The following PDE4B variants were observed in gnomAD, a reference collection of about 807,000 sequenced individuals.
PDE4B encodes phosphodiesterase 4B.
A neutral mutation model predicts 82.2 loss-of-function variants in PDE4B; 20 were observed. The observed-to-expected ratio is 0.24, with a 90% CI of 0.17 to 0.35. The LOEUF (loss-of-function observed/expected upper bound fraction) is 0.35. Ranked by LOEUF, PDE4B falls within the 10% of genes least tolerant of loss-of-function variation. PDE4B has a pLI of 1.00. For synonymous variants in PDE4B, 320 were observed against 318.9 expected (o/e 1.00, Z -0.04); for missense variants, 655 against 907.2 (o/e 0.72, Z 3.57).
intron 3 of PDE4B, among the ~76,000 whole-genome samples, chr1:66,179,879 T>A (rs1299681320): frequency 6.6e-6 from 1 of 152,170 alleles, no homozygotes; most frequent in East Asian, 1.9e-4. Context: ...ATCCAATGCT[T>A]GTTTCTTCAA....
chr1:65,874,478 G>A (rs1359522497), intron 1 of PDE4B, among the ~76,000 whole-genome samples: 1 of 152,122 alleles, frequency 6.6e-6, no homozygotes, highest in Admixed American at 6.6e-5. Context: ...GTGAGAGAGG[G>A]CATCCCTGTC....
At chr1:65,995,221 T>G (rs1402481610) in intron 3 of PDE4B, among the ~76,000 whole-genome samples, 1 of 152,176 alleles carries the variant, frequency 6.6e-6, no homozygotes, top group Non-Finnish European at 1.5e-5. Flanking sequence ...CTGATGTTTC[T>G]TAGTAAAACA....
At chr1:65,807,559 A>G (rs533613398) in intron 1 of PDE4B, among the ~76,000 whole-genome samples, 45 of 152,348 alleles carry the variant, frequency 3.0e-4, no homozygotes, top group African/African-American at 1.0e-3. Context: ...CAGAAAGTGT[A>G]TACCAATGTA....
At chr1:66,049,872 G>A (rs985347781) in intron 3 of PDE4B, among the ~76,000 whole-genome samples, 16 of 151,860 alleles carry the variant, frequency 1.1e-4, no homozygotes, top group African/African-American at 2.2e-4. Context: ...ATTGGATCCC[G>A]GGTTACCTTT....
intron 3 of PDE4B, among the ~76,000 whole-genome samples, chr1:66,045,536 T>A (rs1654655124): frequency 6.6e-6 from 1 of 151,798 alleles, no homozygotes; most frequent in South Asian, 2.1e-4. Context: ...TACTTCCTAA[T>A]TTTATTCAAG....
At chr1:66,139,753 C>A (rs11208805) in intron 3 of PDE4B, among the ~76,000 whole-genome samples, 11,610 of 78,682 alleles carry the variant, frequency 0.15, 565 homozygotes, top group Non-Finnish European at 0.17. Flanking sequence ...AAAAAAAAAA[C>A]AAAAAACAAC....
intron 1 of PDE4B, among the ~76,000 whole-genome samples, chr1:65,822,561 C>T (rs1011271227): frequency 2.0e-5 from 3 of 152,142 alleles, no homozygotes; most frequent in Non-Finnish European, 2.9e-5. Flanking sequence ...AGAACTTAAA[C>T]CCCAAACGTG....
intron 7 of PDE4B, among the ~76,000 whole-genome samples, chr1:66,275,470 G>GA (rs1488290224): frequency 1.3e-5 from 2 of 152,132 alleles, no homozygotes; most frequent in African/African-American, 4.8e-5. Flanking sequence ...TGCTGAGAAG[G>GA]AAAAAGCAAC....
intron 3 of PDE4B, among the ~76,000 whole-genome samples, chr1:66,107,850 T>C (rs773137811): frequency 1.6e-4 from 25 of 151,958 alleles, no homozygotes; most frequent in Non-Finnish European, 2.4e-4. Flanking sequence ...TGTAGCCTTA[T>C]TGATGCCAAG....
At chr1:65,905,336 G>C (rs4308956) in intron 1 of PDE4B, among the ~76,000 whole-genome samples, 2 of 152,096 alleles carry the variant, frequency 1.3e-5, no homozygotes, top group African/African-American at 2.4e-5. Flanking sequence ...TTATAGTGTA[G>C]GAAAAGTTTG....
chr1:66,048,721 A>G (rs1422323627), intron 3 of PDE4B: 2 of 151,878 alleles, frequency 1.3e-5, no homozygotes, highest in Admixed American at 6.6e-5. Flanking sequence ...TTCACAGCCT[A>G]TTACTCTTCA....
At chr1:66,103,567 T>C (rs1378034431) in intron 3 of PDE4B, among the ~76,000 whole-genome samples, 3 of 152,144 alleles carry the variant, frequency 2.0e-5, no homozygotes, top group Non-Finnish European at 2.9e-5. Context: ...TTGGCTTTTC[T>C]AGTGAACATC....
chr1:66,131,590 C>CAG (rs1427014473), intron 3 of PDE4B, among the ~76,000 whole-genome samples: 2 of 15,952 alleles, frequency 1.3e-4, no homozygotes, highest in African/African-American at 2.8e-4. Context: ...TTCTGAATGC[C>CAG]AGATATATAT....
At chr1:66,320,716 A>G (rs1659340426) in intron 7 of PDE4B, among the ~76,000 whole-genome samples, 1 of 152,192 alleles carries the variant, frequency 6.6e-6, no homozygotes, top group Non-Finnish European at 1.5e-5. Context: ...TACCCTCAAG[A>G]AGGTTAGAAT....
Position 66,355,576 on chromosome 1 carries a change from G to T in PDE4B, c.797G>T (p.Arg266Leu), listed in dbSNP as rs199554373. Residue 266 changes from arginine (R) to leucine (L), a missense_variant, in exon 9 of 17, where the codon CGA becomes CTA. Arg to Leu is a moderately radical substitution (Grantham distance 102). Transcript: ENST00000341517. ...RELTHLSEMS[R>L]SGNQVSEYIS... ...CTGACACACCTCTCAGAGATGAGCC[G>T]ATCAGGGAACCAGGTGTCTGAATAC... is the stretch of plus-strand genomic sequence containing the variant. 6.2e-6 allele frequency: 10 copies of T among 1,612,360 alleles called. No homozygotes were observed. Among genetic ancestry groups the T allele is most frequent in the South Asian group, 1.1e-5 (1 of 90,924 alleles).
At chr1:66,053,544 A>G (rs1255582683) in intron 3 of PDE4B, among the ~76,000 whole-genome samples, 1 of 152,164 alleles carries the variant, frequency 6.6e-6, no homozygotes, top group Non-Finnish European at 1.5e-5. Flanking sequence ...AACCTGGCCA[A>G]GGTCACACAG....
At chr1:65,891,666 G>A (rs1646854531) in intron 1 of PDE4B, among the ~76,000 whole-genome samples, 3 of 151,950 alleles carry the variant, frequency 2.0e-5, no homozygotes, top group African/African-American at 7.2e-5. Context: ...TCATTTGTTT[G>A]ATATTTCAGT....
In PDE4B at chr1:66,049,547, C is replaced by T. The variant is rs549914597; in HGVS notation, c.281+130712C>T. 3.3e-5 allele frequency among the ~76,000 whole-genome samples: 5 copies of T among 152,066 alleles called. No individual in the cohort carries two copies. In the South Asian group the frequency reaches 1.0e-3, roughly 32 times the overall value. ...TCTGGAGGTTTTTCAACTAGACCTA[C>T]GTTTAATATTTAAAAACATGAAAAC... is the stretch of plus-strand genomic sequence containing the variant. On this transcript the variant is annotated intron_variant, in intron 3 of 16. Coordinates refer to ENST00000341517, the MANE Select transcript of PDE4B (RefSeq NM_002600.4).
At chr1:66,335,026 A>G (rs1466122640) in intron 8 of PDE4B, among the ~76,000 whole-genome samples, 2 of 152,236 alleles carry the variant, frequency 1.3e-5, no homozygotes, top group Non-Finnish European at 2.9e-5. Context: ...TCAGTTTTCA[A>G]TGTTGCTGAA....
Sources: gnomAD v4.1 joint callset for allele counts (sites outside exome capture counted in the v4.1 genomes callset) on GRCh38, gnomAD v4.1.1 for gene constraint, MANE v1.5 for transcripts, NCBI Gene and HGNC (gene_info 2026-07-23, HGNC 2026-07-21) for gene names.